The following YTHDC2 variants were observed in gnomAD, a reference collection of about 807,000 sequenced individuals.
The protein encoded by YTHDC2 is YTH N6-methyladenosine RNA binding protein C2, also known as 3'-5' RNA helicase YTHDC2.
Under a neutral mutation model 174.9 loss-of-function variants are expected in YTHDC2, and 45 were observed. The ratio of observed to expected loss-of-function variants is 0.26; its 90% CI spans 0.20 to 0.33. The LOEUF is 0.33. YTHDC2 is among the 10% of genes least tolerant of loss of function. The pLI is 1.00. For missense variants in YTHDC2, 1,650 were observed against 1,723.7 expected, an observed-to-expected ratio of 0.96 and a Z score of 0.76; for synonymous variants, 657 against 574.5, an observed-to-expected ratio of 1.14 and a Z score of -2.05.
At chr5:113,565,794 C>T in intron 20 of YTHDC2, 99 bp from the exon 21 acceptor site, 1 of 1,262,390 alleles carries the variant, frequency 7.9e-7, no homozygotes, top group Non-Finnish European at 1.1e-6. Context: ...AAGGCAAATT[C>T]ACGTCGAGGA....
In YTHDC2 at chr5:113,548,678, A is replaced by G. The variant is rs1381514794; in HGVS notation, c.1622+11A>G. On this transcript the variant is annotated intron_variant, in intron 11 of 29. Coordinates refer to ENST00000161863, the MANE Select transcript of YTHDC2 (RefSeq NM_022828.5). ...AGCATCAAATGGCTGGTAATTTTAA[A>G]CTACGTTGATTCTTCATATATCTTT... 2 of 1,603,392 alleles carry G rather than the reference A, an allele frequency of 1.2e-6. No individual in the cohort carries two copies.
intron 5 of YTHDC2, among the ~76,000 whole-genome samples, chr5:113,534,051 A>C (rs905578955): frequency 1.3e-5 from 2 of 152,214 alleles, no homozygotes; most frequent in Admixed American, 1.3e-4. Context: ...GCAAGCAAAA[A>C]GTATTTAAGG....
chr5:113,569,457 G>A (rs1241231095), intron 23 of YTHDC2, among the ~76,000 whole-genome samples: 1 of 151,964 alleles, frequency 6.6e-6, no homozygotes, highest in Non-Finnish European at 1.5e-5. Flanking sequence ...GATTTTCTTC[G>A]AGGGTTTTTA....
At position 113,548,593 on chromosome 5, in the gene YTHDC2, A is replaced by T; in HGVS notation, c.1548A>T (p.Gly516=). 6.2e-7 allele frequency: 1 copy of T among 1,613,500 alleles called. No homozygotes were observed. The highest frequency in any genetic ancestry group is 8.5e-7 in the Non-Finnish European group (1 of 1,179,698). ...TSATALMVAA[G]RGFASQVEQL... is the part of the protein sequence containing the mutation. ...CAACAGCTCTGATGGTTGCTGCAGG[A>T]CGTGGCTTTGCAAGTCAAGTAGAAC... The change falls in exon 11 of 30, where the codon GGA becomes GGT. Residue 516 remains glycine (G), a synonymous_variant. Transcript: ENST00000161863.
intron 23 of YTHDC2, among the ~76,000 whole-genome samples, chr5:113,573,056 T>C (rs189192815): frequency 7.4e-4 from 112 of 152,370 alleles, no homozygotes; most frequent in African/African-American, 2.6e-3. Flanking sequence ...GGTTGCTTCA[T>C]AGTGTTACTG....
At chr5:113,521,008 G>A (rs1295009274) in intron 2 of YTHDC2, among the ~76,000 whole-genome samples, 1 of 152,210 alleles carries the variant, frequency 6.6e-6, no homozygotes, top group Non-Finnish European at 1.5e-5. Flanking sequence ...ATGTGAGCAT[G>A]CAGTATTTGG....
intron 23 of YTHDC2, among the ~76,000 whole-genome samples, chr5:113,576,832 G>A (rs930200966): frequency 6.2e-5 from 8 of 128,186 alleles, no homozygotes; most frequent in African/African-American, 3.1e-4. Flanking sequence ...ATTCATTTTG[G>A]TGTTAGTATT....
rs755333221 is a variant in YTHDC2, at chr5:113,526,830, T to A, written c.675+45T>A. 1,747 of 217,350 alleles carry A rather than the reference T, an allele frequency of 8.0e-3. 23 individuals are homozygous for A. Among genetic ancestry groups the A allele is most frequent in the African/African-American group, 0.038 (1,254 of 32,908 alleles). 13.5% of individuals were successfully genotyped at this position (217,350 alleles called of 1,614,324 possible). Reference sequence around the variant, plus strand: ...TTTATAGAAAAAAAAAAAAAAAATATATATATATATATATATATAGTCCCA... The same window carrying A: ...TTTATAGAAAAAAAAAAAAAAAATAAATATATATATATATATATAGTCCCA... On this transcript the variant is annotated intron_variant, in intron 4 of 29. Coordinates refer to ENST00000161863, the MANE Select transcript of YTHDC2 (RefSeq NM_022828.5).
At chr5:113,563,780 T>C in intron 19 of YTHDC2, 79 bp from the exon 20 acceptor site, 1 of 1,481,406 alleles carries the variant, frequency 6.8e-7, no homozygotes, top group East Asian at 2.3e-5. Flanking sequence ...TTCTTATTTC[T>C]CATTTAGGGG....
chr5:113,574,151 T>C (rs1371809866), intron 23 of YTHDC2, among the ~76,000 whole-genome samples: 1 of 152,182 alleles, frequency 6.6e-6, no homozygotes, highest in Non-Finnish European at 1.5e-5. Context: ...TGTGGAGTCT[T>C]TTCTGTTGAT....
At chr5:113,592,209 T>C (rs1178071304) in intron 28 of YTHDC2, 31 bp downstream of exon 28, 1 of 1,443,820 alleles carries the variant, frequency 6.9e-7, no homozygotes. Context: ...TTTTATTTAC[T>C]TTTGTTTCTG....
At chr5:113,539,921 A>G (rs1775333886) in intron 8 of YTHDC2, among the ~76,000 whole-genome samples, 1 of 152,126 alleles carries the variant, frequency 6.6e-6, no homozygotes, top group African/African-American at 2.4e-5. Flanking sequence ...ATTTTTTTAG[A>G]GACAGGTTCT....
At position 113,517,979 on chromosome 5, in the gene YTHDC2, C is replaced by T. The variant is rs527991248; in HGVS notation, c.278+2617C>T. The stretch of plus-strand genomic sequence containing the variant: ...TCTCGGCTCACTGCAAGCTCCACCT[C>T]CCGGGTTCACGCCATTCTCCTGCCT... On this transcript the variant is annotated intron_variant, in intron 2 of 29. Transcript: ENST00000161863. Among the ~76,000 whole-genome samples, 14 of 150,944 alleles carry T rather than the reference C, an allele frequency of 9.3e-5. No homozygotes were observed. In the East Asian group the frequency reaches 2.6e-3, roughly 28 times the overall value.
chr5:113,567,968 T>G, intron 23 of YTHDC2, 119 bp downstream of exon 23: 15 of 716,950 alleles, frequency 2.1e-5, no homozygotes, highest in South Asian at 4.1e-5. Context: ...GTAGCAGCTC[T>G]ATTTTGATGT....
chr5:113,550,872 T>G (rs1436993904), intron 12 of YTHDC2, among the ~76,000 whole-genome samples: 1 of 152,088 alleles, frequency 6.6e-6, no homozygotes, highest in Non-Finnish European at 1.5e-5. Context: ...ACATTAGATA[T>G]TTAAATAAAT....
In YTHDC2 at chr5:113,567,986, C is replaced by T. The variant is rs577974902; in HGVS notation, c.3244+137C>T. The T allele has an allele frequency of 8.7e-4, 496 of 569,936 alleles. 1 individual carries two copies. Among genetic ancestry groups the T allele is most frequent in the Non-Finnish European group, 1.1e-3 (422 of 366,956 alleles). 35.3% of individuals were successfully genotyped at this position (569,936 alleles called of 1,614,324 possible). A position where few individuals can be genotyped will look rare whatever the true frequency, so the allele number is the denominator to read the frequency against. Reference sequence around the variant, plus strand: ...GCAGCTCTATTTTGATGTACTAAGACTAATTAGGAAATACTAAGGTATACT... The same window carrying T: ...GCAGCTCTATTTTGATGTACTAAGATTAATTAGGAAATACTAAGGTATACT... On this transcript the variant is annotated intron_variant, in intron 23 of 29. Transcript: ENST00000161863.
In YTHDC2 at chr5:113,514,056, A is replaced by G; in HGVS notation, c.161A>G (p.Glu54Gly). 1.2e-6 allele frequency: 2 copies of G among 1,611,996 alleles called. No individual in the cohort carries two copies. Among genetic ancestry groups the G allele is most frequent in the Non-Finnish European group, 1.7e-6 (2 of 1,179,234 alleles). Residue 54 changes from glutamate (E) to glycine (G), a missense_variant, in exon 1 of 30, where the codon GAG becomes GGG. Transcript: ENST00000161863. ...AAGATCGCAGTCAATATCGCGCTGG[A>G]GCGCTTCCGATACGGGGACCAGAGA... ...EVKIAVNIALERFRYGDQREM... is the reference protein window; with the variant it reads ...EVKIAVNIALGRFRYGDQREM...
intron 26 of YTHDC2, 110 bp downstream of exon 26, chr5:113,584,589 C>A: frequency 1.0e-6 from 1 of 1,002,562 alleles, no homozygotes; most frequent in Non-Finnish European, 1.4e-6. Context: ...GTGGCCTCTT[C>A]TAGATGTAAG....
intron 26 of YTHDC2, 70 bp from the exon 27 acceptor site, chr5:113,590,969 ATG>A: frequency 2.4e-6 from 3 of 1,265,972 alleles, no homozygotes; most frequent in Non-Finnish European, 3.3e-6. Flanking sequence ...GTTTATGAAG[ATG>A]TTATTTAATG....
Sources: allele counts gnomAD v4.1 joint callset (sites outside exome capture counted in the v4.1 genomes callset), GRCh38; gene constraint gnomAD v4.1.1; transcripts MANE v1.5; gene names NCBI Gene and HGNC (gene_info 2026-07-23, HGNC 2026-07-21).